The following ALDOA variants were observed in gnomAD, a reference collection of about 807,000 sequenced individuals.
ALDOA encodes the protein aldolase, fructose-bisphosphate A, also known as fructose-bisphosphate aldolase A.
ALDOA carries 26 observed loss-of-function variants against 43.9 expected under a neutral mutation model. That is an observed-to-expected ratio of 0.59 (90% confidence interval 0.43 to 0.82). ALDOA has a LOEUF of 0.82. Ranked by LOEUF, ALDOA falls within the 40% of genes least tolerant of loss-of-function variation. ALDOA has a pLI of 0.00. For missense variants in ALDOA, 498 were observed against 549.5 expected (o/e 0.91, Z 0.94); for synonymous variants, 258 against 222.6 (o/e 1.16, Z -1.42).
At position 30,069,365 on chromosome 16, in the gene ALDOA, G is replaced by A. The variant is rs759847191; in HGVS notation, c.762G>A (p.Lys254=). 1 of 1,614,178 alleles carries A rather than the reference G, an allele frequency of 6.2e-7. No individual in the cohort carries two copies. The highest frequency in any genetic ancestry group is 1.7e-5 in the Admixed American group (1 of 60,016). Reference sequence around the variant, plus strand: ...TCCCTGATGGGGACCATGACTTGAAGCGCTGCCAGTATGTGACCGAGAAGG... The same window carrying A: ...TCCCTGATGGGGACCATGACTTGAAACGCTGCCAGTATGTGACCGAGAAGG... ...EILPDGDHDL[K]RCQYVTEKVL... The change falls in exon 7 of 10, where the codon AAG becomes AAA. Residue 254 remains lysine, a synonymous_variant. Transcript: ENST00000642816.
chr16:30,068,337 T>TA (rs987583482), intron 4 of ALDOA: 27 of 387,350 alleles, frequency 7.0e-5, no homozygotes, highest in African/African-American at 5.6e-4. Flanking sequence ...GTGCTGGGAT[T>TA]ACAGGCGTGA....
intron 1 of ALDOA, 52 bp from the exon 2 acceptor site, chr16:30,066,829 CTGCT>C: frequency 6.6e-7 from 1 of 1,515,438 alleles, no homozygotes; most frequent in East Asian, 2.5e-5. Context: ...GTTGGGCCCT[CTGCT>C]TGATTCACGA....
intron 8 of ALDOA, 31 bp downstream of exon 8, chr16:30,069,704 C>G: frequency 1.2e-6 from 2 of 1,612,594 alleles, no homozygotes; most frequent in African/African-American, 2.7e-5. Flanking sequence ...GATCTCTATG[C>G]AGTAGATAAG....
intron 6 of ALDOA, 35 bp from the exon 7 acceptor site, chr16:30,069,268 TAGG>T: frequency 6.2e-7 from 1 of 1,607,178 alleles, no homozygotes; most frequent in Non-Finnish European, 8.5e-7. Flanking sequence ...GACTCTGGGT[TAGG>T]AGGCCTCACA....
chr16:30,067,851 C>T, intron 4 of ALDOA, 190 bp downstream of exon 4: 2 of 697,594 alleles, frequency 2.9e-6, no homozygotes, highest in Non-Finnish European at 4.8e-6. Flanking sequence ...TCCCACTTTA[C>T]ACATGAAAAT....
intron 3 of ALDOA, 33 bp from the exon 4 acceptor site, chr16:30,067,417 G>T: frequency 6.2e-7 from 1 of 1,613,818 alleles, no homozygotes; most frequent in Non-Finnish European, 8.5e-7. Context: ...GGAGTGGCAG[G>T]CTGATCCCCT....
upstream of ALDOA, chr16:30,064,730 C>T: frequency 2.8e-6 from 1 of 356,858 alleles, no homozygotes; most frequent in South Asian, 1.5e-4. Flanking sequence ...GCCCGGGAAC[C>T]CCTAGCTCAC....
At position 30,067,308 on chromosome 16, in the gene ALDOA, C is replaced by T; in HGVS notation, c.216C>T (p.Asp72=). 1 of 1,613,210 alleles carries T rather than the reference C, an allele frequency of 6.2e-7. No homozygotes were observed. Among genetic ancestry groups the T allele is most frequent in the Non-Finnish European group, 8.5e-7 (1 of 1,180,032 alleles). The change falls in exon 3 of 10, where the codon GAC becomes GAT. Residue 72 remains aspartate (D), a synonymous_variant. Coordinates refer to ENST00000642816, the MANE Select transcript of ALDOA (RefSeq NM_001243177.4). ...LTPEQKKELS[D]IAHRIVAPGK... is the part of the protein sequence containing the mutation. ...CGGAGCAGAAGAAGGAGCTGTCTGA[C>T]ATCGCTCACCGCATCGTGGCACCTG...
chr16:30,067,781 C>T, intron 4 of ALDOA, 120 bp downstream of exon 4: 1 of 1,162,968 alleles, frequency 8.6e-7, no homozygotes, highest in Non-Finnish European at 1.3e-6. Context: ...GAGCCTGCTT[C>T]AGGCTTAGGG....
Position 30,066,873 on chromosome 16 carries a change from T to C in ALDOA, c.-13-12T>C. 1 of 1,545,986 alleles carries C rather than the reference T, an allele frequency of 6.5e-7. No individual in the cohort carries two copies. Among genetic ancestry groups the C allele is most frequent in the Non-Finnish European group, 8.7e-7 (1 of 1,144,506 alleles). ...TACATTCTAAAATACTCCGGTTCGGTTTTGTTTTCAGGCAAGGTGACCCCA... is the reference window on the plus strand; with the variant it reads ...TACATTCTAAAATACTCCGGTTCGGCTTTGTTTTCAGGCAAGGTGACCCCA... On this transcript the variant is annotated splice_polypyrimidine_tract_variant and intron_variant, in intron 1 of 9. Transcript: ENST00000642816.
In ALDOA at chr16:30,067,442, A is replaced by T; in HGVS notation, c.275-8A>T. The T allele has an allele frequency of 1.2e-6, 2 of 1,612,872 alleles. No homozygotes were observed. Among genetic ancestry groups the T allele is most frequent in the Non-Finnish European group, 1.7e-6 (2 of 1,179,818 alleles). Reference sequence around the variant, plus strand: ...GCTGATCCCCTAATTCCCATGTGACACTCCCAGGGAGCATTGCCAAGCGGC... The same window carrying T: ...GCTGATCCCCTAATTCCCATGTGACTCTCCCAGGGAGCATTGCCAAGCGGC... On this transcript the variant is annotated splice_region_variant and splice_polypyrimidine_tract_variant and intron_variant, in intron 3 of 9. Coordinates refer to ENST00000642816, the MANE Select transcript of ALDOA (RefSeq NM_001243177.4).
intron 1 of ALDOA, 23 bp from the exon 2 acceptor site, chr16:30,066,862 C>T: frequency 1.9e-6 from 3 of 1,544,712 alleles, no homozygotes; most frequent in Non-Finnish European, 8.7e-7. Context: ...TTCTAAAATA[C>T]TCCGGTTCGG....
chr16:30,069,045 A>G (rs540086531), intron 6 of ALDOA, 67 bp downstream of exon 6: 7 of 1,604,696 alleles, frequency 4.4e-6, no homozygotes, highest in East Asian at 2.2e-5. Context: ...TAATTTGCCT[A>G]TTACCTGCCA....
rs1207578070 is a variant in ALDOA at position 30,066,889 on chromosome 16, G to C, written c.-9G>C. ...CCGGTTCGGTTTTGTTTTCAGGCAA[G>C]GTGACCCCATGGCAAGGCGCAAGCC... On this transcript the variant is annotated 5_prime_UTR_variant, in exon 2 of 10. Transcript: ENST00000642816. 1 of 1,548,798 alleles carries C rather than the reference G, an allele frequency of 6.5e-7. No homozygotes were observed. Among genetic ancestry groups the C allele is most frequent in the Admixed American group, 2.0e-5 (1 of 50,800 alleles).
At chr16:30,067,131 G>A in intron 2 of ALDOA, 93 bp downstream of exon 2, 1 of 1,581,654 alleles carries the variant, frequency 6.3e-7, no homozygotes, top group South Asian at 1.1e-5. Context: ...GGGCAGGGGA[G>A]GTAGGGAACA....
rs2072198210 is a variant in ALDOA at position 30,068,459 on chromosome 16, G to T, written c.487-187G>T. The T allele has an allele frequency of 7.2e-6, 5 of 692,904 alleles. No homozygotes were observed. In the Admixed American group the frequency reaches 1.0e-4, roughly 14 times the overall value. The allele number at this position is 692,904 out of a possible 1,614,324, so 42.9% of individuals were successfully genotyped here. The stretch of plus-strand genomic sequence containing the variant: ...TAAGTAAATGTGGGGGAAGACTGGG[G>T]CTAAAGAAGAGGAAAGAGGGGCACG... On this transcript the variant is annotated intron_variant, in intron 4 of 9. Transcript: ENST00000642816.
chr16:30,069,271 G>A (rs781147998), intron 6 of ALDOA, 35 bp from the exon 7 acceptor site: 6 of 1,609,440 alleles, frequency 3.7e-6, no homozygotes, highest in Non-Finnish European at 5.1e-6. Flanking sequence ...TCTGGGTTAG[G>A]AGGCCTCACA....
At chr16:30,067,101 C>T in intron 2 of ALDOA, 63 bp downstream of exon 2, 1 of 1,569,818 alleles carries the variant, frequency 6.4e-7, no homozygotes, top group Non-Finnish European at 8.6e-7. Context: ...CCAGAAGTGC[C>T]CCAGGGCCTG....
rs1474141813 is a variant in ALDOA at position 30,066,905 on chromosome 16, G to A, written c.8G>A (p.Arg3Lys). 2 of 1,550,034 alleles carry A rather than the reference G, an allele frequency of 1.3e-6. No homozygotes were observed. The highest frequency in any genetic ancestry group is 1.7e-4 in the Middle Eastern group (1 of 5,986). Residue 3 changes from arginine to lysine, a missense_variant, in exon 2 of 10, where the codon AGG becomes AAG. By Grantham distance (26) the Arg-to-Lys change is conservative. Transcript: ENST00000642816. ...TTCAGGCAAGGTGACCCCATGGCAA[G>A]GCGCAAGCCAGAAGGGTCCAGCTTC... is the stretch of plus-strand genomic sequence containing the variant. Reference protein sequence around the residue: MARRKPEGSSFNM... With the variant: MAKRKPEGSSFNM...
Sources: allele counts gnomAD v4.1 joint callset, GRCh38; gene constraint gnomAD v4.1.1; transcripts MANE v1.5; gene names NCBI Gene and HGNC (gene_info 2026-07-23, HGNC 2026-07-21).